Variants in LIMA1 observed in about 807,000 individuals in gnomAD.
LIMA1 encodes LIM domain and actin binding 1, also known as LIM domain and actin-binding protein 1.
In LIMA1, 52 loss-of-function variants were observed where a neutral mutation model predicts 62.6. The observed-to-expected ratio is 0.83, with a 90% confidence interval of 0.67 to 1.05. The LOEUF (loss-of-function observed/expected upper bound fraction) is 1.05, where lower values mean the gene tolerates loss of function less well. Ranked by LOEUF, LIMA1 falls within the 50% of genes least tolerant of loss-of-function variation. LIMA1 has a pLI of 0.00. For missense variants in LIMA1, 780 were observed against 902.2 expected (o/e 0.86, Z 1.74); for synonymous variants, 302 against 317.8 (o/e 0.95, Z 0.53).
intron 9 of LIMA1, chr12:50,188,909 T>G (rs1313617268): frequency 6.6e-6 from 1 of 152,254 alleles, no homozygotes; most frequent in East Asian, 1.9e-4. Context: ...CAAGTTAGAT[T>G]TGCTAGCCGT....
Position 50,177,229 on chromosome 12 carries a change from CAG to C in LIMA1, c.2113_2114del (p.Leu705GlufsTer12). 2 of 1,614,110 alleles carry C rather than the reference CAG, an allele frequency of 1.2e-6. No individual in the cohort carries two copies. Among genetic ancestry groups the C allele is most frequent in the Admixed American group, 1.7e-5 (1 of 60,010 alleles). On this transcript the variant is annotated frameshift_variant, in exon 11 of 11. Transcript: ENST00000341247. LOFTEE classifies it high-confidence loss of function. ...TGTTGTCTACAAAACTCGACCAATT[CAG>C]AGACTTGGGTTCTTGTGGAGATTGT... Reference protein sequence around the residue: ...KQQSPQEPKSLNWSSFVDNTF... With the variant: ...KQQSPQEPKSXNWSSFVDNTF...
intron 1 of LIMA1, among the ~76,000 whole-genome samples, chr12:50,271,942 A>G (rs545090120): frequency 6.6e-6 from 1 of 152,328 alleles, no homozygotes; most frequent in East Asian, 1.9e-4. Context: ...AAGGCAAAAT[A>G]GTTCATTAAG....
intron 4 of LIMA1, among the ~76,000 whole-genome samples, chr12:50,221,618 T>C (rs572308431): frequency 6.6e-6 from 1 of 152,326 alleles, no homozygotes; most frequent in South Asian, 2.1e-4. Context: ...TCAGTCTTAA[T>C]GTTAAACTCC....
At chr12:50,243,628 C>G (rs1941808337) in intron 2 of LIMA1, among the ~76,000 whole-genome samples, 1 of 152,158 alleles carries the variant, frequency 6.6e-6, no homozygotes, top group East Asian at 1.9e-4. Flanking sequence ...TCACTCCTTT[C>G]AGTATATACC....
intron 2 of LIMA1, among the ~76,000 whole-genome samples, chr12:50,238,580 C>T (rs1056480076): frequency 3.3e-5 from 5 of 151,636 alleles, no homozygotes; most frequent in Admixed American, 2.0e-4. Context: ...ATCAACAAGC[C>T]GGGTGCAGTG....
intron 1 of LIMA1, among the ~76,000 whole-genome samples, chr12:50,265,768 A>C (rs1286126274): frequency 6.6e-6 from 1 of 152,140 alleles, no homozygotes; most frequent in Admixed American, 6.5e-5. Context: ...ATAAGTCCAA[A>C]TACAAGCTGG....
At chr12:50,243,611 C>T (rs1941808213) in intron 2 of LIMA1, among the ~76,000 whole-genome samples, 1 of 152,286 alleles carries the variant, frequency 6.6e-6, no homozygotes, top group Admixed American at 6.5e-5. Flanking sequence ...GGCTGATTCC[C>T]TGGTTTTCAC....
intron 6 of LIMA1, 95 bp from the exon 7 acceptor site, chr12:50,200,979 A>C (rs1941037663): frequency 1.3e-6 from 2 of 1,513,542 alleles, no homozygotes; most frequent in Non-Finnish European, 8.8e-7. Flanking sequence ...AATGTTAAAA[A>C]ATTCTTCTAA....
intron 3 of LIMA1, among the ~76,000 whole-genome samples, chr12:50,231,341 T>C (rs771955625): frequency 2.6e-5 from 4 of 152,208 alleles, no homozygotes; most frequent in Non-Finnish European, 5.9e-5. Flanking sequence ...ATTGTCTGAT[T>C]TGGAAAAAAG....
intron 3 of LIMA1, 200 bp from the exon 4 acceptor site, chr12:50,222,685 A>G: frequency 6.7e-7 from 1 of 1,489,560 alleles, no homozygotes; most frequent in Non-Finnish European, 8.9e-7. Flanking sequence ...AGAGAGAAAA[A>G]CTCAGGAGCT....
chr12:50,217,768 A>T, intron 4 of LIMA1: 1 of 333,410 alleles, frequency 3.0e-6, no homozygotes, highest in East Asian at 9.3e-5. Context: ...CCGTGCTGTG[A>T]ATGGCACAAC....
chr12:50,256,293 A>G (rs1459610450), intron 1 of LIMA1: 1 of 152,026 alleles, frequency 6.6e-6, no homozygotes, highest in Non-Finnish European at 1.5e-5. Flanking sequence ...GGACCATGCT[A>G]ATCTTCTCTG....
intron 8 of LIMA1, among the ~76,000 whole-genome samples, chr12:50,195,226 T>C (rs1436992666): frequency 2.6e-5 from 4 of 151,838 alleles, no homozygotes; most frequent in African/African-American, 9.7e-5. Context: ...TTAAAAGTTA[T>C]ACTGAAAATC....
chr12:50,279,282 G>A (rs1942310871), intron 1 of LIMA1, among the ~76,000 whole-genome samples: 2 of 150,566 alleles, frequency 1.3e-5, no homozygotes, highest in Admixed American at 1.3e-4. Context: ...TGGGATTACA[G>A]GCATGAGCCA....
intron 2 of LIMA1, among the ~76,000 whole-genome samples, chr12:50,244,845 G>A (rs961633103): frequency 6.6e-6 from 1 of 152,180 alleles, no homozygotes; most frequent in Non-Finnish European, 1.5e-5. Context: ...AAGGCACTGG[G>A]GAAGAGGTGA....
chr12:50,280,493 A>G (rs1451159398), intron 1 of LIMA1, among the ~76,000 whole-genome samples: 1 of 152,174 alleles, frequency 6.6e-6, no homozygotes, highest in Non-Finnish European at 1.5e-5. Flanking sequence ...TTAAAAGAAC[A>G]TCAAAAGAAT....
At chr12:50,228,224 G>T (rs570882380) in intron 3 of LIMA1, among the ~76,000 whole-genome samples, 1 of 152,126 alleles carries the variant, frequency 6.6e-6, no homozygotes, top group Non-Finnish European at 1.5e-5. Flanking sequence ...CCCTTTGGAG[G>T]TAGAGAATAC....
chr12:50,205,814 A>G (rs1424277431), intron 5 of LIMA1, among the ~76,000 whole-genome samples, 170 bp downstream of exon 5: 1 of 151,890 alleles, frequency 6.6e-6, no homozygotes, highest in African/African-American at 2.4e-5. Context: ...AAAAAAAAAA[A>G]AGCTATTTAT....
intron 6 of LIMA1, 154 bp downstream of exon 6, chr12:50,204,397 CA>C (rs1941112525): frequency 7.2e-6 from 6 of 833,702 alleles, no homozygotes; most frequent in Non-Finnish European, 1.0e-5. Flanking sequence ...GTAAGAACTG[CA>C]AATCCAGCGA....
Sources: allele counts gnomAD v4.1 joint callset (sites outside exome capture counted in the v4.1 genomes callset), GRCh38; gene constraint gnomAD v4.1.1; transcripts MANE v1.5; gene names NCBI Gene and HGNC (gene_info 2026-07-23, HGNC 2026-07-21).